The following IFT74 variants were observed in gnomAD, a reference collection of about 807,000 sequenced individuals.
IFT74 encodes the protein intraflagellar transport protein 74 homolog.
In IFT74, 92 loss-of-function variants were observed where a neutral mutation model predicts 96.7. The ratio of observed to expected loss-of-function variants is 0.95; its 90% CI spans 0.80 to 1.13. IFT74 has a LOEUF of 1.13. Among genes scored for constraint, IFT74 ranks in the 50% most tolerant of loss-of-function variants. The pLI is 0.00. For synonymous variants in IFT74, 223 were observed against 213.2 expected (o/e 1.05, Z -0.40); for missense variants, 811 against 698.2 (o/e 1.16, Z -1.82).
intron 7 of IFT74, 40 bp from the exon 8 acceptor site, chr9:26,990,094 A>C (rs371478515): frequency 8.3e-5 from 108 of 1,299,424 alleles, no homozygotes; most frequent in Non-Finnish European, 1.1e-4. Context: ...ATTTGGTTTA[A>C]TATTTATTTC....
At chr9:27,018,947 A>C (rs1425566991) in intron 12 of IFT74, among the ~76,000 whole-genome samples, 2 of 152,100 alleles carry the variant, frequency 1.3e-5, no homozygotes, top group African/African-American at 4.8e-5. Context: ...GCCATCACCT[A>C]GATCACCTTT....
At chr9:26,971,831 A>G in intron 2 of IFT74, among the ~76,000 whole-genome samples, 1 of 152,164 alleles carries the variant, frequency 6.6e-6, no homozygotes, top group Admixed American at 6.5e-5. Flanking sequence ...GAGCCACTCC[A>G]AAGGTGTACT....
chr9:27,042,851 C>A (rs911925685), intron 13 of IFT74, among the ~76,000 whole-genome samples: 4 of 152,184 alleles, frequency 2.6e-5, no homozygotes, highest in African/African-American at 9.7e-5. Context: ...TTTATATGCA[C>A]ATCTTCCTCC....
intron 8 of IFT74, 29 bp from the exon 9 acceptor site, chr9:27,008,991 T>A (rs1436695010): frequency 1.3e-6 from 2 of 1,577,342 alleles, no homozygotes; most frequent in East Asian, 2.2e-5. Flanking sequence ...CAATATAGTA[T>A]CAGGAATATT....
chr9:27,059,965 T>A (rs1317575091), intron 18 of IFT74, among the ~76,000 whole-genome samples: 3 of 152,254 alleles, frequency 2.0e-5, no homozygotes, highest in Non-Finnish European at 2.9e-5. Context: ...ACAAGGTTAA[T>A]TAAATCAGAA....
In IFT74 at chr9:26,980,630, C is replaced by G; in HGVS notation, c.305+11C>G. 6.5e-7 allele frequency: 1 copy of G among 1,545,072 alleles called. No homozygotes were observed. Among genetic ancestry groups the G allele is most frequent in the Non-Finnish European group, 8.9e-7 (1 of 1,119,822 alleles). ...TCTTGGGCTTCTTAGGTATGTTAAA[C>G]ATATCTTTTCATCCGTATGTTTTAC... On this transcript the variant is annotated intron_variant, in intron 4 of 19. Transcript: ENST00000380062.
At position 27,063,711 on chromosome 9, in the gene IFT74, A is replaced by T. The variant is rs1201234014; in HGVS notation, c.*975A>T. ...ACAACACATTGATTTCTTAAACCAA[A>T]ATAGCTTTATTGAGATATTATTTAC... is the stretch of plus-strand genomic sequence containing the variant. On this transcript the variant is annotated 3_prime_UTR_variant, in exon 20 of 20. Coordinates refer to ENST00000380062, the MANE Select transcript of IFT74 (RefSeq NM_025103.4). Among the ~76,000 whole-genome samples, 1 of 152,136 alleles carries T rather than the reference A, an allele frequency of 6.6e-6. No individual in the cohort carries two copies. Among genetic ancestry groups the T allele is most frequent in the African/African-American group, 2.4e-5 (1 of 41,442 alleles).
At chr9:27,061,840 A>G (rs977315736) in intron 19 of IFT74, among the ~76,000 whole-genome samples, 2 of 152,084 alleles carry the variant, frequency 1.3e-5, no homozygotes, top group African/African-American at 4.8e-5. Context: ...CAACTCCATT[A>G]TATGTCTACA....
intron 1 of IFT74, among the ~76,000 whole-genome samples, chr9:26,948,528 G>C (rs2131448322): frequency 1.5e-5 from 2 of 129,072 alleles, no homozygotes; most frequent in South Asian, 5.1e-4. Context: ...GAGTGCAGTG[G>C]CGCGATCTCG....
At chr9:26,983,210 G>GCTC (rs1827464483) in intron 4 of IFT74, among the ~76,000 whole-genome samples, 1 of 152,158 alleles carries the variant, frequency 6.6e-6, no homozygotes, top group African/African-American at 2.4e-5. Flanking sequence ...AGAGTAGTAA[G>GCTC]AAAGATAGTA....
chr9:26,951,507 C>G (rs1825928632), upstream of IFT74, among the ~76,000 whole-genome samples: 1 of 151,940 alleles, frequency 6.6e-6, no homozygotes, highest in African/African-American at 2.4e-5. Flanking sequence ...AGAAATTTTA[C>G]ATGTACAGAT....
intron 3 of IFT74, among the ~76,000 whole-genome samples, chr9:26,979,880 T>A (rs1361335920): frequency 1.3e-5 from 2 of 151,664 alleles, no homozygotes; most frequent in Non-Finnish European, 2.9e-5. Context: ...GCCCAGCTAA[T>A]TTTTTTGTAT....
intron 2 of IFT74, among the ~76,000 whole-genome samples, chr9:26,976,208 C>T (rs993048381): frequency 6.6e-6 from 1 of 152,128 alleles, no homozygotes; most frequent in Non-Finnish European, 1.5e-5. Flanking sequence ...ACGTCTCCCC[C>T]TGGGTGGGGT....
chr9:27,036,367 C>A, intron 13 of IFT74: 1 of 1,496,228 alleles, frequency 6.7e-7, no homozygotes, highest in South Asian at 1.3e-5. Flanking sequence ...TAGTTTAAAA[C>A]ATTAAGCTTA....
chr9:27,047,267 T>C lies in IFT74; in HGVS notation c.1109-7T>C, dbSNP rs550455225. ...CAGTAATCTCTCTTATGTTTTCCAA[T>C]TGTCAGCTTTTATTGAGACTTTTGA... On this transcript the variant is annotated splice_polypyrimidine_tract_variant and splice_region_variant and intron_variant, in intron 14 of 19. Coordinates refer to ENST00000380062, the MANE Select transcript of IFT74 (RefSeq NM_025103.4). 1 of 1,578,962 alleles carries C rather than the reference T, an allele frequency of 6.3e-7. No homozygotes were observed. Among genetic ancestry groups the C allele is most frequent in the East Asian group, 2.2e-5 (1 of 44,532 alleles).
rs528365540 is a variant in IFT74, at chr9:27,065,579, T to C, written c.*2843T>C. Among the ~76,000 whole-genome samples the C allele has an allele frequency of 2.5e-4, 38 of 152,316 alleles. No individual in the cohort carries two copies. Among genetic ancestry groups the C allele is most frequent in the African/African-American group, 7.9e-4 (33 of 41,580 alleles). ...TTCTTTTTCCTGTGGAGCCCCTCGT[T>C]TGGACAATACTATAGTCTCATTTTA... is the stretch of plus-strand genomic sequence containing the variant. On this transcript the variant is annotated 3_prime_UTR_variant, in exon 20 of 20. Transcript: ENST00000380062.
At chr9:26,984,414 A>G in intron 5 of IFT74, 59 bp downstream of exon 5, 1 of 1,578,812 alleles carries the variant, frequency 6.3e-7, no homozygotes, top group Non-Finnish European at 8.6e-7. Flanking sequence ...CTAACTTTGT[A>G]GCTATCCATA....
intron 9 of IFT74, among the ~76,000 whole-genome samples, chr9:27,010,849 A>G (rs1038107845): frequency 6.6e-6 from 1 of 152,222 alleles, no homozygotes; most frequent in African/African-American, 2.4e-5. Flanking sequence ...TTGAGGGCAT[A>G]TTGAGAATCC....
intron 14 of IFT74, among the ~76,000 whole-genome samples, chr9:27,045,029 A>G (rs1819641126): frequency 6.6e-6 from 1 of 152,214 alleles, no homozygotes; most frequent in Admixed American, 6.5e-5. Context: ...TAAAGCTAGT[A>G]CTTACATTCG....
Sources: allele counts gnomAD v4.1 joint callset (sites outside exome capture counted in the v4.1 genomes callset), GRCh38; gene constraint gnomAD v4.1.1; transcripts MANE v1.5; gene names NCBI Gene and HGNC (gene_info 2026-07-23, HGNC 2026-07-21).